BMP5: variants seen among roughly 807,000 people sequenced by gnomAD.
BMP5 encodes the protein bone morphogenetic protein 5.
A neutral mutation model predicts 46.6 loss-of-function variants in BMP5; 23 were observed. The ratio of observed to expected loss-of-function variants is 0.49; its 90% CI spans 0.35 to 0.70. The LOEUF is 0.70. Among genes scored for constraint, BMP5 ranks in the 30% least tolerant of loss-of-function variants. The pLI is 0.00. For missense variants in BMP5, 545 were observed against 565.6 expected (o/e 0.96, Z 0.37); for synonymous variants, 204 against 191.9 (o/e 1.06, Z -0.52).
At chr6:55,868,636 T>A (rs1230400986) in intron 1 of BMP5, among the ~76,000 whole-genome samples, 1 of 152,180 alleles carries the variant, frequency 6.6e-6, no homozygotes, top group Non-Finnish European at 1.5e-5. Context: ...CCTTTTAAAA[T>A]TATCATTTAT....
At chr6:55,809,678 A>T (rs1189622133) in intron 2 of BMP5, among the ~76,000 whole-genome samples, 1 of 152,056 alleles carries the variant, frequency 6.6e-6, no homozygotes, top group Non-Finnish European at 1.5e-5. Context: ...GAGGATAGCC[A>T]CATATTTTTT....
At chr6:55,801,171 C>G (rs1310443153) in intron 2 of BMP5, among the ~76,000 whole-genome samples, 2 of 152,184 alleles carry the variant, frequency 1.3e-5, no homozygotes, top group Non-Finnish European at 2.9e-5. Context: ...TTAGGGTTGG[C>G]TGCAAAGGAA....
intron 2 of BMP5, among the ~76,000 whole-genome samples, chr6:55,806,274 G>T (rs568324904): frequency 6.6e-6 from 1 of 152,110 alleles, no homozygotes; most frequent in Non-Finnish European, 1.5e-5. Flanking sequence ...TCCAGTTTCA[G>T]CTTTCTGCAT....
At chr6:55,773,382 A>C (rs1018476864) in intron 4 of BMP5, among the ~76,000 whole-genome samples, 1 of 151,952 alleles carries the variant, frequency 6.6e-6, no homozygotes, top group Non-Finnish European at 1.5e-5. Flanking sequence ...AGCCACTACA[A>C]ATTTTGGCAG....
At chr6:55,824,286 A>C (rs951070298) in intron 1 of BMP5, among the ~76,000 whole-genome samples, 2 of 151,992 alleles carry the variant, frequency 1.3e-5, no homozygotes, top group African/African-American at 4.8e-5. Flanking sequence ...GAGAAGAAAA[A>C]AAAACAGAGA....
intron 1 of BMP5, among the ~76,000 whole-genome samples, chr6:55,854,305 A>T (rs373997604): frequency 1.1e-4 from 17 of 152,124 alleles, no homozygotes; most frequent in East Asian, 5.8e-4. Context: ...TGATAAAGTC[A>T]TTGACAAATT....
At chr6:55,831,488 T>C (rs1389556580) in intron 1 of BMP5, among the ~76,000 whole-genome samples, 1 of 151,968 alleles carries the variant, frequency 6.6e-6, no homozygotes, top group African/African-American at 2.4e-5. Context: ...CAAGTACTAA[T>C]ACAAATCCTA....
At chr6:55,782,560 T>A (rs566217296) in intron 3 of BMP5, among the ~76,000 whole-genome samples, 2 of 152,282 alleles carry the variant, frequency 1.3e-5, no homozygotes, top group Admixed American at 1.3e-4. Context: ...TGTTTTCTTG[T>A]GCTCAATCTA....
At chr6:55,850,775 G>C (rs1337651109) in intron 1 of BMP5, among the ~76,000 whole-genome samples, 1 of 152,110 alleles carries the variant, frequency 6.6e-6, no homozygotes, top group Non-Finnish European at 1.5e-5. Flanking sequence ...AGGCTGTTTA[G>C]CATAGTGATT....
At chr6:55,789,664 G>T (rs910525226) in intron 3 of BMP5, among the ~76,000 whole-genome samples, 3 of 151,950 alleles carry the variant, frequency 2.0e-5, no homozygotes, top group Non-Finnish European at 4.4e-5. Context: ...AACAAAAATA[G>T]AATTTATTTT....
chr6:55,841,313 T>C (rs1028688385), intron 1 of BMP5, among the ~76,000 whole-genome samples: 3 of 152,190 alleles, frequency 2.0e-5, no homozygotes, highest in Non-Finnish European at 4.4e-5. Flanking sequence ...TCTTCTCTCC[T>C]TCTAGAACTT....
intron 1 of BMP5, among the ~76,000 whole-genome samples, chr6:55,850,387 TA>T (rs1243985656): frequency 4.0e-5 from 6 of 149,280 alleles, no homozygotes; most frequent in South Asian, 2.1e-4. Flanking sequence ...GATAGATAGA[TA>T]GATAGATCGA....
At chr6:55,792,682 A>C (rs2127528364) in intron 3 of BMP5, among the ~76,000 whole-genome samples, 1 of 152,344 alleles carries the variant, frequency 6.6e-6, no homozygotes, top group Middle Eastern at 3.4e-3. Flanking sequence ...ATAGGCTATG[A>C]AACTGGCTGC....
intron 3 of BMP5, among the ~76,000 whole-genome samples, chr6:55,792,507 C>T (rs1775596453): frequency 6.9e-6 from 1 of 145,964 alleles, no homozygotes; most frequent in Admixed American, 7.0e-5. Context: ...GCACTCCAGC[C>T]TGGGCAACAA....
intron 3 of BMP5, among the ~76,000 whole-genome samples, chr6:55,781,699 C>G (rs913230043): frequency 6.6e-6 from 1 of 151,582 alleles, no homozygotes; most frequent in African/African-American, 2.4e-5. Context: ...CCTCAGCCTC[C>G]CAAGTTCAAG....
intron 5 of BMP5, among the ~76,000 whole-genome samples, chr6:55,759,723 C>T (rs556015280): frequency 1.3e-4 from 20 of 151,794 alleles, no homozygotes; most frequent in Admixed American, 2.0e-4. Flanking sequence ...TGATAAATTT[C>T]GGGAAGCTAA....
chr6:55,780,291 A>G (rs1265198268), intron 3 of BMP5, among the ~76,000 whole-genome samples: 1 of 151,330 alleles, frequency 6.6e-6, no homozygotes, highest in East Asian at 2.0e-4. Context: ...TGACACACTG[A>G]TATGAACTAT....
At chr6:55,822,038 C>G (rs1432133192) in intron 1 of BMP5, among the ~76,000 whole-genome samples, 1 of 152,138 alleles carries the variant, frequency 6.6e-6, no homozygotes, top group Admixed American at 6.6e-5. Context: ...TTAACATATT[C>G]TGCCTCATAA....
chr6:55,850,402 A>C (rs1012396416), intron 1 of BMP5, among the ~76,000 whole-genome samples: 3 of 151,262 alleles, frequency 2.0e-5, no homozygotes, highest in African/African-American at 7.3e-5. Context: ...AGATCGATAG[A>C]TATAGATAGA....
Sources: allele counts gnomAD v4.1 joint callset (sites outside exome capture counted in the v4.1 genomes callset), GRCh38; gene constraint gnomAD v4.1.1; transcripts MANE v1.5; gene names NCBI Gene and HGNC (gene_info 2026-07-23, HGNC 2026-07-21).